Variants in ZNF423 observed in about 807,000 individuals in gnomAD.
The protein encoded by ZNF423 is Ebf-associated zinc finger protein.
ZNF423 carries 12 observed loss-of-function variants against 95.8 expected under a neutral mutation model. That is an observed-to-expected ratio of 0.13 (90% CI 0.08 to 0.20). The LOEUF is 0.20. Ranked by LOEUF, ZNF423 falls within the 10% of genes least tolerant of loss-of-function variation. ZNF423 has a pLI of 1.00. For synonymous variants in ZNF423, 749 were observed against 711.9 expected (o/e 1.05, Z -0.83); for missense variants, 1,316 against 1,737.1 (o/e 0.76, Z 4.31).
chr16:49,735,724 C>A (rs1036694014), intron 2 of ZNF423, among the ~76,000 whole-genome samples: 1 of 152,140 alleles, frequency 6.6e-6, no homozygotes, highest in Non-Finnish European at 1.5e-5. Context: ...GGAGAGAGAG[C>A]ACATAGGGGC....
At chr16:49,858,861 C>G (rs1344640450), upstream of ZNF423, among the ~76,000 whole-genome samples, 2 of 152,218 alleles carry the variant, frequency 1.3e-5, no homozygotes, top group Admixed American at 6.5e-5. This position sits in a 1 kb window ranked among gnomAD's most constrained non-coding sequence, Gnocchi z 4.3. Flanking sequence ...TCCCCCACCC[C>G]CGCCGGCGCC....
intron 3 of ZNF423, among the ~76,000 whole-genome samples, chr16:49,690,144 G>A (rs1399740154): frequency 6.6e-6 from 1 of 152,164 alleles, no homozygotes. Context: ...GCCCATTACT[G>A]CCCTGAACCC....
chr16:49,605,788 A>G (rs1206322419), intron 5 of ZNF423, among the ~76,000 whole-genome samples: 1 of 152,188 alleles, frequency 6.6e-6, no homozygotes, highest in Non-Finnish European at 1.5e-5. Flanking sequence ...GCAGCGGTTG[A>G]CTGACAAGTG....
intron 5 of ZNF423, among the ~76,000 whole-genome samples, chr16:49,565,649 C>T (rs1380674708): frequency 6.6e-6 from 1 of 152,182 alleles, no homozygotes; most frequent in African/African-American, 2.4e-5. Flanking sequence ...GTGCCATCAA[C>T]TCAAAGGGTC....
chr16:49,733,251 G>T (rs1260190191), intron 2 of ZNF423, among the ~76,000 whole-genome samples: 2 of 152,092 alleles, frequency 1.3e-5, no homozygotes, highest in Non-Finnish European at 2.9e-5. Flanking sequence ...AAATAAAAGA[G>T]CCATAATTCT....
chr16:49,856,917 AGGC>A (rs71138012), upstream of ZNF423, among the ~76,000 whole-genome samples: 18 of 144,894 alleles, frequency 1.2e-4, no homozygotes, highest in Non-Finnish European at 1.7e-4. Context: ...GAGGACGAGC[AGGC>A]GGCGGCGGCG....
chr16:49,693,829 G>C (rs1596867946), intron 3 of ZNF423, among the ~76,000 whole-genome samples: 1 of 152,312 alleles, frequency 6.6e-6, no homozygotes, highest in East Asian at 1.9e-4. Flanking sequence ...AAGAACACTA[G>C]AGAGATGAAC....
intron 2 of ZNF423, among the ~76,000 whole-genome samples, chr16:49,773,055 A>G (rs2034061706): frequency 6.6e-6 from 1 of 152,342 alleles, no homozygotes; most frequent in African/African-American, 2.4e-5. Flanking sequence ...ACTGTGGCTC[A>G]TGCCTATAAT....
chr16:49,504,734 G>A (rs532060033), intron 7 of ZNF423, among the ~76,000 whole-genome samples: 9 of 152,330 alleles, frequency 5.9e-5, no homozygotes, highest in Admixed American at 4.6e-4. Context: ...GGGAGCCACA[G>A]CATCCCAGGA....
At chr16:49,514,886 C>T (rs1042330142) in intron 7 of ZNF423, among the ~76,000 whole-genome samples, 2 of 152,196 alleles carry the variant, frequency 1.3e-5, no homozygotes, top group Non-Finnish European at 1.5e-5. Context: ...TGCATGTGTG[C>T]GTGCACACAT....
In ZNF423 at chr16:49,523,727, G is replaced by A. The variant is rs773945321; in HGVS notation, c.3746C>T (p.Ala1249Val). 2.5e-6 allele frequency: 4 copies of A among 1,613,396 alleles called. No homozygotes were observed. In the East Asian group the frequency reaches 8.9e-5, roughly 36 times the overall value. ...CPVCFTVFVQ[A>V]NKLQQHIFAV... ...AAAGATGTGCTGCTGCAACTTGTTG[G>A]CCTGGACGAAGACTAGACACAGACA... is the stretch of plus-strand genomic sequence containing the variant. The change falls in exon 7 of 8, where the codon GCC becomes GTC. Residue 1249 changes from alanine (A) to valine (V), a missense_variant. By Grantham distance (64) the Ala-to-Val change is moderately conservative. Transcript: ENST00000563137.
chr16:49,809,618 C>A (rs118170148), intron 1 of ZNF423, among the ~76,000 whole-genome samples: 2 of 152,204 alleles, frequency 1.3e-5, no homozygotes, highest in African/African-American at 2.4e-5. Context: ...TCTGCACCTG[C>A]GAGAACAGAT....
chr16:49,646,172 T>C (rs1973162361), intron 3 of ZNF423, among the ~76,000 whole-genome samples: 1 of 152,186 alleles, frequency 6.6e-6, no homozygotes, highest in South Asian at 2.1e-4. Context: ...CCAGTCAGTG[T>C]TTCCTAGAGC....
chr16:49,540,955 T>C (rs75974464), intron 5 of ZNF423, among the ~76,000 whole-genome samples: 3 of 152,146 alleles, frequency 2.0e-5, no homozygotes, highest in African/African-American at 2.4e-5. Context: ...CTCTGTCTAG[T>C]TGACAACAGA....
chr16:49,639,188 AGG>A (rs1367595512), intron 3 of ZNF423, among the ~76,000 whole-genome samples: 2 of 152,178 alleles, frequency 1.3e-5, no homozygotes, highest in African/African-American at 4.8e-5. Flanking sequence ...TAGGGAAAGG[AGG>A]GGCAGCCTGG....
chr16:49,593,202 T>C (rs1420508330), intron 5 of ZNF423, among the ~76,000 whole-genome samples: 1 of 152,048 alleles, frequency 6.6e-6, no homozygotes, highest in Non-Finnish European at 1.5e-5. Context: ...TCTCAGTGCT[T>C]TGGGAGGATC....
At chr16:49,589,375 C>A (rs890819934) in intron 5 of ZNF423, among the ~76,000 whole-genome samples, 1 of 152,144 alleles carries the variant, frequency 6.6e-6, no homozygotes, top group African/African-American at 2.4e-5. Flanking sequence ...CTACTCTGGG[C>A]GAAGAAACGT....
At chr16:49,559,361 A>G (rs1969943885) in intron 5 of ZNF423, among the ~76,000 whole-genome samples, 1 of 152,238 alleles carries the variant, frequency 6.6e-6, no homozygotes, top group Non-Finnish European at 1.5e-5. Context: ...CTAATGAGGT[A>G]TGGTGGGCTG....
At chr16:49,689,134 ATTGTG>A (rs1182464143) in intron 3 of ZNF423, among the ~76,000 whole-genome samples, 1 of 152,030 alleles carries the variant, frequency 6.6e-6, no homozygotes, top group Admixed American at 6.6e-5. Context: ...TGGGTCTAAG[ATTGTG>A]TTGTATAATA....
Sources: gnomAD v4.1 joint callset for allele counts (sites outside exome capture counted in the v4.1 genomes callset) on GRCh38, gnomAD v4.1.1 for gene constraint, Gnocchi (gnomAD v3.1) non-coding constraint, MANE v1.5 for transcripts, NCBI Gene and HGNC (gene_info 2026-07-23, HGNC 2026-07-21) for gene names.